KCNH7: variants seen among roughly 807,000 people sequenced by gnomAD.
The protein encoded by KCNH7 is potassium voltage-gated channel subfamily H member 7.
KCNH7 carries 49 observed loss-of-function variants against 120.8 expected under a neutral mutation model. The observed-to-expected ratio is 0.41, with a 90% CI of 0.32 to 0.51. The LOEUF (loss-of-function observed/expected upper bound fraction) is 0.51, where lower values mean the gene tolerates loss of function less well. Ranked by LOEUF, KCNH7 falls within the 20% of genes least tolerant of loss-of-function variation. The pLI, the probability that KCNH7 is intolerant of heterozygous loss-of-function variation, is 0.38. For missense variants in KCNH7, 1,097 were observed against 1,446.6 expected (o/e 0.76, Z 3.92); for synonymous variants, 547 against 516.1 (o/e 1.06, Z -0.81).
At chr2:162,827,988 A>T (rs1685344843) in intron 2 of KCNH7, among the ~76,000 whole-genome samples, 1 of 152,144 alleles carries the variant, frequency 6.6e-6, no homozygotes, top group Non-Finnish European at 1.5e-5. Context: ...AAAAATTAAA[A>T]TCTGAAGAGC....
chr2:162,398,672 CT>C (rs1406593444), intron 10 of KCNH7, among the ~76,000 whole-genome samples: 3 of 151,864 alleles, frequency 2.0e-5, no homozygotes, highest in Non-Finnish European at 2.9e-5. Context: ...CTTAGCAACA[CT>C]CTAAAATTAC....
chr2:162,474,634 T>C (rs1178147551), intron 6 of KCNH7, among the ~76,000 whole-genome samples: 1 of 152,260 alleles, frequency 6.6e-6, no homozygotes, highest in African/African-American at 2.4e-5. Context: ...GTAAAAAGGC[T>C]GTGGCTTCTG....
intron 2 of KCNH7, among the ~76,000 whole-genome samples, chr2:162,744,524 G>T (rs1333433467): frequency 1.3e-5 from 2 of 149,856 alleles, no homozygotes; most frequent in East Asian, 3.9e-4. Flanking sequence ...GCTGTGTCCT[G>T]ACCGTTTAGT....
chr2:162,818,775 T>C (rs955585941), intron 2 of KCNH7, among the ~76,000 whole-genome samples: 1 of 152,218 alleles, frequency 6.6e-6, no homozygotes, highest in African/African-American at 2.4e-5. Flanking sequence ...CTTATTCTAT[T>C]GGTGCTATTT....
intron 6 of KCNH7, among the ~76,000 whole-genome samples, chr2:162,447,461 C>T (rs1013718469): frequency 6.6e-6 from 1 of 152,034 alleles, no homozygotes; most frequent in Non-Finnish European, 1.5e-5. Context: ...TTTGTAATGG[C>T]TCCACAAATG....
At chr2:162,543,560 C>CTACTGTGTAAAAAGTACTATACCAGAA (rs1692384255) in intron 2 of KCNH7, among the ~76,000 whole-genome samples, 4 of 152,064 alleles carry the variant, frequency 2.6e-5, no homozygotes, top group Non-Finnish European at 4.4e-5. Flanking sequence ...AATTTATTTT[C>CTACTGTGTAAAAAGTACTATACCAGAA]AATTACTTCT....
chr2:162,780,640 C>G (rs1241983201), intron 2 of KCNH7, among the ~76,000 whole-genome samples: 1 of 152,092 alleles, frequency 6.6e-6, no homozygotes, highest in African/African-American at 2.4e-5. Flanking sequence ...CCTAATTGAA[C>G]TAATTTTTTC....
chr2:162,458,525 C>T (rs1456848097), intron 6 of KCNH7, among the ~76,000 whole-genome samples: 1 of 152,092 alleles, frequency 6.6e-6, no homozygotes. Context: ...CCTCCCCTCC[C>T]CTCTTACCTG....
At chr2:162,588,646 G>A (rs1409011471) in intron 2 of KCNH7, among the ~76,000 whole-genome samples, 11 of 151,950 alleles carry the variant, frequency 7.2e-5, no homozygotes, top group Admixed American at 6.6e-4. Context: ...GGGGTACATA[G>A]TGATGTTTTG....
intron 8 of KCNH7, 117 bp from the exon 9 acceptor site, chr2:162,423,652 G>C (rs1490247512): frequency 1.1e-6 from 1 of 872,910 alleles, no homozygotes; most frequent in Non-Finnish European, 1.7e-6. Flanking sequence ...TTTACCATTG[G>C]ATCACGGGGA....
At chr2:162,753,028 G>GAAAAGAAAAGAAAAGAAAAGAA (rs1292002226) in intron 2 of KCNH7, among the ~76,000 whole-genome samples, 1 of 133,482 alleles carries the variant, frequency 7.5e-6, no homozygotes, top group Non-Finnish European at 1.6e-5. Context: ...GAAAAGAAAA[G>GAAAAGAAAAGAAAAGAAAAGAA]AAACCCTGAC....
At chr2:162,570,974 G>A (rs1693451168) in intron 2 of KCNH7, among the ~76,000 whole-genome samples, 1 of 152,018 alleles carries the variant, frequency 6.6e-6, no homozygotes, top group Non-Finnish European at 1.5e-5. Flanking sequence ...CATTCCCTTT[G>A]AAAACTGGCA....
chr2:162,647,514 C>T lies in KCNH7; in HGVS notation c.308-110434G>A, dbSNP rs535918562. Among the ~76,000 whole-genome samples the T allele has an allele frequency of 4.6e-5, 7 of 152,140 alleles. 1 individual carries two copies. Among genetic ancestry groups the T allele is most frequent in the Non-Finnish European group, 8.8e-5 (6 of 68,004 alleles). ...AATATCACCTTGAATTGTAATAAGC[C>T]CCACATGTCAAGGGCAGGGCCAGGT... On this transcript the variant is annotated intron_variant, in intron 2 of 15. Coordinates refer to ENST00000332142, the MANE Select transcript of KCNH7 (RefSeq NM_033272.4).
At chr2:162,694,479 T>A (rs1574275287) in intron 2 of KCNH7, among the ~76,000 whole-genome samples, 1 of 133,888 alleles carries the variant, frequency 7.5e-6, no homozygotes. Context: ...TGTGAAAGAG[T>A]GTGTGTGTGT....
At chr2:162,647,385 G>T (rs981472796) in intron 2 of KCNH7, among the ~76,000 whole-genome samples, 7 of 152,134 alleles carry the variant, frequency 4.6e-5, no homozygotes, top group Non-Finnish European at 7.4e-5. Context: ...CAGTATGTAG[G>T]ATTAATTGTT....
intron 3 of KCNH7, among the ~76,000 whole-genome samples, chr2:162,532,707 G>A (rs908917554): frequency 1.3e-5 from 2 of 151,912 alleles, no homozygotes; most frequent in African/African-American, 4.8e-5. Context: ...CAAAAAGACA[G>A]TCATGCATAC....
chr2:162,692,815 A>G (rs10202084), intron 2 of KCNH7, among the ~76,000 whole-genome samples: 1,707 of 152,286 alleles, frequency 0.011, 31 homozygotes, highest in African/African-American at 0.039. Flanking sequence ...TTCGAAATAA[A>G]TGAAATCCAA....
At chr2:162,509,853 A>G (rs1228235510) in intron 5 of KCNH7, among the ~76,000 whole-genome samples, 1 of 151,622 alleles carries the variant, frequency 6.6e-6, no homozygotes, top group Non-Finnish European at 1.5e-5. Context: ...AGATTCATAG[A>G]CTAATTGGAA....
intron 2 of KCNH7, among the ~76,000 whole-genome samples, chr2:162,594,946 T>C (rs1694327725): frequency 6.6e-6 from 1 of 152,036 alleles, no homozygotes; most frequent in Non-Finnish European, 1.5e-5. Flanking sequence ...TCATTCACCA[T>C]GATCAAGTGG....
Sources: allele counts gnomAD v4.1 joint callset (sites outside exome capture counted in the v4.1 genomes callset), GRCh38; gene constraint gnomAD v4.1.1; transcripts MANE v1.5; gene names NCBI Gene and HGNC (gene_info 2026-07-23, HGNC 2026-07-21).